Variants in MSRA observed in about 807,000 individuals in gnomAD.
The protein encoded by MSRA is mitochondrial peptide methionine sulfoxide reductase.
A neutral mutation model predicts 31.3 loss-of-function variants in MSRA; 54 were observed. That is an observed-to-expected ratio of 1.73 (90% CI 1.39 to 2.17). The LOEUF (loss-of-function observed/expected upper bound fraction) is 2.17, where lower values mean the gene tolerates loss of function less well. Among genes scored for constraint, MSRA ranks in the 30% most tolerant of loss-of-function variants. The pLI is 0.00. For missense variants in MSRA, 507 were observed against 300.9 expected (o/e 1.69, Z -5.07); for synonymous variants, 169 against 116.5 (o/e 1.45, Z -2.90).
At chr8:10,132,000 T>C (rs1282328085) in intron 1 of MSRA, among the ~76,000 whole-genome samples, 1 of 152,040 alleles carries the variant, frequency 6.6e-6, no homozygotes, top group African/African-American at 2.4e-5. Context: ...TTAAATTGAG[T>C]TTTTGGTCTC....
intron 5 of MSRA, among the ~76,000 whole-genome samples, chr8:10,406,558 C>G (rs535597821): frequency 6.6e-6 from 1 of 152,232 alleles, no homozygotes; most frequent in South Asian, 2.1e-4. Flanking sequence ...TTGGTGCAGA[C>G]AGGAATGGGG....
At chr8:10,405,370 G>A (rs1436965902) in intron 5 of MSRA, among the ~76,000 whole-genome samples, 5 of 152,138 alleles carry the variant, frequency 3.3e-5, no homozygotes, top group South Asian at 4.1e-4. Flanking sequence ...ACCCAGCCAA[G>A]ACAGCCAGAT....
Position 10,054,398 on chromosome 8 carries a change from CGCCCGCG to C in MSRA, c.-118_-112del. The C allele has an allele frequency of 3.1e-6, 2 of 652,688 alleles. No individual in the cohort carries two copies. Among genetic ancestry groups the C allele is most frequent in the Non-Finnish European group, 4.3e-6 (2 of 461,930 alleles). The allele number at this position is 652,688 out of a possible 1,614,324, so 40.4% of individuals were successfully genotyped here. A position where few individuals can be genotyped will look rare whatever the true frequency, so the allele number is the denominator to read the frequency against. ...CCGCCAGCAGCGCCCCGCGCCCGCC[CGCCCGCG>C]CCCCTGCCGCCCCCCGGTTCCGGCC... On this transcript the variant is annotated 5_prime_UTR_variant, in exon 1 of 6. Coordinates refer to ENST00000317173, the MANE Select transcript of MSRA (RefSeq NM_012331.5).
chr8:10,266,181 G>T (rs1164199995), intron 3 of MSRA, among the ~76,000 whole-genome samples: 1 of 152,148 alleles, frequency 6.6e-6, no homozygotes, highest in Non-Finnish European at 1.5e-5. Context: ...CTGTTTTCTG[G>T]AGTAGTTGTA....
rs62490326 is a variant in MSRA at position 10,316,162 on chromosome 8, A to G, written c.437-3721A>G. On this transcript the variant is annotated intron_variant, in intron 4 of 5. Transcript: ENST00000317173. ...TGTGCAGGTGATAGATAGTGACCGT[A>G]TTGTGTGGCTGTCTTCCTTTTAGAA... Among the ~76,000 whole-genome samples, 1,497 of 152,196 alleles carry G rather than the reference A, an allele frequency of 9.8e-3. 9 individuals are homozygous for G. Among genetic ancestry groups the G allele is most frequent in the Non-Finnish European group, 0.014 (937 of 67,998 alleles).
At chr8:10,380,359 GA>G (rs1805992657) in intron 5 of MSRA, among the ~76,000 whole-genome samples, 1 of 152,220 alleles carries the variant, frequency 6.6e-6, no homozygotes, top group Non-Finnish European at 1.5e-5. Flanking sequence ...TAGACAACTG[GA>G]GAGGGCCTTC....
chr8:10,314,360 T>C (rs1801599613), intron 4 of MSRA, among the ~76,000 whole-genome samples: 1 of 151,676 alleles, frequency 6.6e-6, no homozygotes, highest in African/African-American at 2.4e-5. Context: ...AGAGAAAAAA[T>C]GGGCAAAGGA....
chr8:10,308,015 C>A (rs1801232636), intron 4 of MSRA, among the ~76,000 whole-genome samples: 1 of 152,180 alleles, frequency 6.6e-6, no homozygotes, highest in Non-Finnish European at 1.5e-5. Context: ...TCCTCCCTTC[C>A]CACAAGTTAG....
chr8:10,311,332 A>T (rs1019490437), intron 4 of MSRA, among the ~76,000 whole-genome samples: 1 of 152,230 alleles, frequency 6.6e-6, no homozygotes, highest in African/African-American at 2.4e-5. Context: ...TAAGCAGAGG[A>T]TTAGATATAT....
At chr8:10,275,977 C>G (rs1482656813) in intron 3 of MSRA, among the ~76,000 whole-genome samples, 7 of 152,198 alleles carry the variant, frequency 4.6e-5, no homozygotes, top group African/African-American at 1.7e-4. Context: ...AAAAACCTGT[C>G]CTCTGGTACT....
chr8:10,353,533 C>T, intron 5 of MSRA: 1 of 449,444 alleles, frequency 2.2e-6, no homozygotes, highest in Admixed American at 2.4e-5. Flanking sequence ...CCCTGCAGAG[C>T]ACGACACCTG....
chr8:10,147,625 C>A (rs1422779020), intron 1 of MSRA, among the ~76,000 whole-genome samples: 1 of 152,182 alleles, frequency 6.6e-6, no homozygotes. Context: ...TGGGGCTGTC[C>A]TGGGGACAGT....
Position 10,119,632 on chromosome 8 carries a change from C to G in MSRA, c.142+64974C>G, listed in dbSNP as rs138716274. 2.2e-4 allele frequency among the ~76,000 whole-genome samples: 34 copies of G among 152,292 alleles called. 1 individual carries two copies. Among genetic ancestry groups the G allele is most frequent in the Admixed American group, 2.0e-3 (30 of 15,292 alleles). On this transcript the variant is annotated intron_variant, in intron 1 of 5. Coordinates refer to ENST00000317173, the MANE Select transcript of MSRA (RefSeq NM_012331.5). ...CAAAGAAATGCTGTGACAAAAGACACAAGCATTGAGTGATCAAGTACAGCA... is the reference window on the plus strand; with the variant it reads ...CAAAGAAATGCTGTGACAAAAGACAGAAGCATTGAGTGATCAAGTACAGCA...
intron 1 of MSRA, among the ~76,000 whole-genome samples, chr8:10,097,239 A>C (rs776637300): frequency 1.3e-5 from 2 of 152,218 alleles, no homozygotes; most frequent in Non-Finnish European, 2.9e-5. Context: ...ATGTTCTTCA[A>C]CTTTTTAATT....
intron 1 of MSRA, among the ~76,000 whole-genome samples, chr8:10,120,242 G>A (rs1030902345): frequency 2.6e-5 from 4 of 152,162 alleles, no homozygotes; most frequent in Admixed American, 6.5e-5. Flanking sequence ...GGCAAGAGTC[G>A]TACTCAGCCA....
intron 1 of MSRA, among the ~76,000 whole-genome samples, chr8:10,133,476 C>A (rs1439807470): frequency 2.0e-5 from 3 of 152,218 alleles, no homozygotes; most frequent in Admixed American, 6.5e-5. Context: ...GGTCTCTCCT[C>A]TGTGCACATC....
At chr8:10,061,715 C>T (rs1797195590) in intron 1 of MSRA, among the ~76,000 whole-genome samples, 2 of 152,190 alleles carry the variant, frequency 1.3e-5, no homozygotes, top group Admixed American at 6.5e-5. Flanking sequence ...CATCATGATA[C>T]AGAGAAGTTA....
chr8:10,173,045 T>C (rs1019732654), intron 1 of MSRA, among the ~76,000 whole-genome samples: 1 of 152,178 alleles, frequency 6.6e-6, no homozygotes, highest in Non-Finnish European at 1.5e-5. Flanking sequence ...AGAGAAAGCA[T>C]GTATAAAGAC....
intron 1 of MSRA, among the ~76,000 whole-genome samples, chr8:10,060,401 G>A (rs1235885264): frequency 1.3e-5 from 2 of 152,184 alleles, no homozygotes; most frequent in African/African-American, 4.8e-5. Flanking sequence ...GTGAACAGAA[G>A]GGAAAATAAT....
Sources: gnomAD v4.1 joint callset for allele counts (sites outside exome capture counted in the v4.1 genomes callset) on GRCh38, gnomAD v4.1.1 for gene constraint, MANE v1.5 for transcripts, NCBI Gene and HGNC (gene_info 2026-07-23, HGNC 2026-07-21) for gene names.